The following FANCL variants were observed in gnomAD, a reference collection of about 807,000 sequenced individuals.
FANCL encodes FA complementation group L.
Under a neutral mutation model 59.4 loss-of-function variants are expected in FANCL, and 69 were observed. The ratio of observed to expected loss-of-function variants is 1.16; its 90% CI spans 0.96 to 1.42. FANCL has a LOEUF of 1.42. FANCL is among the 40% of genes most tolerant of loss of function. The pLI, the probability that FANCL is intolerant of heterozygous loss-of-function variation, is 0.00. For synonymous variants in FANCL, 180 were observed against 147.1 expected (o/e 1.22, Z -1.62); for missense variants, 519 against 447.2 (o/e 1.16, Z -1.45).
At chr2:58,211,518 T>C (rs1691158856) in intron 5 of FANCL, among the ~76,000 whole-genome samples, 1 of 152,236 alleles carries the variant, frequency 6.6e-6, no homozygotes, top group African/African-American at 2.4e-5. Flanking sequence ...TGGCTCCTTG[T>C]TACTTATGCA....
At chr2:58,168,441 TTCACAA>T (rs1389998368) in intron 7 of FANCL, among the ~76,000 whole-genome samples, 1 of 152,182 alleles carries the variant, frequency 6.6e-6, no homozygotes, top group African/African-American at 2.4e-5. Context: ...TCCCACGGTC[TTCACAA>T]CCCGCAGATC....
At chr2:58,231,312 T>C (rs564292390) in intron 2 of FANCL, among the ~76,000 whole-genome samples, 1 of 152,318 alleles carries the variant, frequency 6.6e-6, no homozygotes, top group South Asian at 2.1e-4. Context: ...TCTCACACTC[T>C]ATTTCCACAC....
chr2:58,174,229 C>T (rs1406973931), intron 7 of FANCL, among the ~76,000 whole-genome samples: 2 of 152,128 alleles, frequency 1.3e-5, no homozygotes, highest in Admixed American at 6.6e-5. Flanking sequence ...GACAGATCAA[C>T]AAGACAGAAA....
intron 7 of FANCL, among the ~76,000 whole-genome samples, chr2:58,190,005 A>C (rs1269261270): frequency 6.6e-6 from 1 of 152,194 alleles, no homozygotes; most frequent in East Asian, 1.9e-4. Context: ...CTTTTTAAGA[A>C]ATTTAATTTT....
rs902845347 is a variant in FANCL at position 58,180,365 on chromosome 2, T to C, written c.541-14491A>G. Among the ~76,000 whole-genome samples the C allele has an allele frequency of 1.3e-5, 2 of 152,130 alleles. 1 individual carries two copies. Among genetic ancestry groups the C allele is most frequent in the Non-Finnish European group, 2.9e-5 (2 of 68,028 alleles). On this transcript the variant is annotated intron_variant, in intron 7 of 13. Transcript: ENST00000233741. ...ACTGGAAAAGAAAATGTGGTACATA[T>C]ACACCATGGAATACTATGCAGCCAT... is the stretch of plus-strand genomic sequence containing the variant.
intron 7 of FANCL, among the ~76,000 whole-genome samples, chr2:58,188,255 T>C (rs1688600600): frequency 6.6e-6 from 1 of 152,186 alleles, no homozygotes; most frequent in South Asian, 2.1e-4. Context: ...ATTCCAGTGA[T>C]CTACTTGTCT....
In FANCL at chr2:58,205,164, T is replaced by C. The variant is rs576523667; in HGVS notation, c.375-938A>G. 6.0e-5 allele frequency among the ~76,000 whole-genome samples: 9 copies of C among 150,322 alleles called. No homozygotes were observed. The South Asian group carries it at 1.9e-3, about 32-fold the overall frequency. On this transcript the variant is annotated intron_variant, in intron 5 of 13. Transcript: ENST00000233741. Reference sequence around the variant, plus strand: ...TATAAGCCTCCTAACTTAGGAAATATATTTTTTAATATCACTATATGCCAT... The same window carrying C: ...TATAAGCCTCCTAACTTAGGAAATACATTTTTTAATATCACTATATGCCAT...
chr2:58,176,679 A>G (rs1687353278), intron 7 of FANCL, among the ~76,000 whole-genome samples: 1 of 152,188 alleles, frequency 6.6e-6, no homozygotes, highest in Admixed American at 6.5e-5. Flanking sequence ...TAAAAACCCT[A>G]GAAGAAAACC....
chr2:58,217,838 T>C (rs1405051969), intron 5 of FANCL, among the ~76,000 whole-genome samples: 3 of 151,312 alleles, frequency 2.0e-5, no homozygotes, highest in Admixed American at 6.6e-5. Flanking sequence ...CTGACACACA[T>C]AATTAATAAA....
Position 58,165,869 on chromosome 2 carries a change from G to A in FANCL, c.546C>T (p.Ser182=), listed in dbSNP as rs200679501. Residue 182 remains serine (S), a synonymous_variant, in exon 8 of 14, where the codon TCC becomes TCT. Coordinates refer to ENST00000233741, the MANE Select transcript of FANCL (RefSeq NM_018062.4). ...PFCASWTPQS[S]LISIYSQFLA... ...AAAACTGACTATAAATGCTTATTAA[G>A]GAGCTCTGTGAAAAAAATGAAAGTT... The A allele has an allele frequency of 3.3e-4, 540 of 1,613,780 alleles. 1 individual carries two copies. Among genetic ancestry groups the A allele is most frequent in the Non-Finnish European group, 4.3e-4 (512 of 1,179,888 alleles).
At chr2:58,240,838 C>T (rs1694459244) in intron 1 of FANCL, among the ~76,000 whole-genome samples, 1 of 152,120 alleles carries the variant, frequency 6.6e-6, no homozygotes, top group Non-Finnish European at 1.5e-5. Flanking sequence ...CCCGAGTGAA[C>T]TCATCAACAT....
intron 12 of FANCL, among the ~76,000 whole-genome samples, chr2:58,160,701 G>T (rs1685021000): frequency 6.6e-6 from 1 of 151,902 alleles, no homozygotes; most frequent in Admixed American, 6.6e-5. Flanking sequence ...AATTACAAAA[G>T]AAATCACATG....
At chr2:58,240,107 C>A (rs1694376174) in intron 1 of FANCL, among the ~76,000 whole-genome samples, 1 of 128,480 alleles carries the variant, frequency 7.8e-6, no homozygotes. Flanking sequence ...AACATGCTTC[C>A]TGTAAAAAAA....
chr2:58,214,915 C>T (rs773924207), intron 5 of FANCL, among the ~76,000 whole-genome samples: 1 of 152,116 alleles, frequency 6.6e-6, no homozygotes, highest in Non-Finnish European at 1.5e-5. Context: ...ATTCAAAAAT[C>T]TCATATCACA....
chr2:58,233,212 T>C, intron 1 of FANCL, among the ~76,000 whole-genome samples: 1 of 151,206 alleles, frequency 6.6e-6, no homozygotes, highest in Non-Finnish European at 1.5e-5. Flanking sequence ...TAAGAACAAT[T>C]TGGAATTCTT....
At chr2:58,167,190 G>A (rs921254463) in intron 7 of FANCL, among the ~76,000 whole-genome samples, 4 of 152,162 alleles carry the variant, frequency 2.6e-5, no homozygotes, top group African/African-American at 9.7e-5. Context: ...CCAGCCTGGT[G>A]ACAGAGCTAG....
intron 3 of FANCL, among the ~76,000 whole-genome samples, chr2:58,227,440 T>C (rs1450054488): frequency 3.3e-5 from 5 of 152,128 alleles, no homozygotes; most frequent in Non-Finnish European, 7.4e-5. Flanking sequence ...TCTCAGTAGA[T>C]GTGGGAGACA....
intron 7 of FANCL, among the ~76,000 whole-genome samples, chr2:58,173,779 C>A (rs887756839): frequency 1.3e-5 from 2 of 152,064 alleles, no homozygotes; most frequent in African/African-American, 4.8e-5. Flanking sequence ...CAAACTCACA[C>A]ATAACAATAT....
At chr2:58,221,781 G>A (rs918694977) in intron 5 of FANCL, among the ~76,000 whole-genome samples, 161 bp downstream of exon 5, 9 of 152,100 alleles carry the variant, frequency 5.9e-5, no homozygotes, top group African/African-American at 2.2e-4. Context: ...TTTTTATGAT[G>A]ATATCCCTCT....
Sources: allele counts gnomAD v4.1 joint callset (sites outside exome capture counted in the v4.1 genomes callset), GRCh38; gene constraint gnomAD v4.1.1; transcripts MANE v1.5; gene names NCBI Gene and HGNC (gene_info 2026-07-23, HGNC 2026-07-21).